Variants in PCDHGA5 observed in about 807,000 individuals in gnomAD.
The protein encoded by PCDHGA5 is protocadherin gamma subfamily A, 5.
A neutral mutation model predicts 56.7 loss-of-function variants in PCDHGA5; 36 were observed. That is an observed-to-expected ratio of 0.64 (90% CI 0.49 to 0.84). The LOEUF is 0.84. PCDHGA5 is among the 40% of genes least tolerant of loss of function. The probability of loss-of-function intolerance (pLI) is 0.00; values close to 1 mark genes in which losing one functional copy is unlikely to be tolerated. For synonymous variants in PCDHGA5, 563 were observed against 520.2 expected (o/e 1.08, Z -1.12); for missense variants, 1,305 against 1,201.5 (o/e 1.09, Z -1.27).
At chr5:141,450,754 C>G (rs192088793) in intron 1 of PCDHGA5, among the ~76,000 whole-genome samples, 1 of 150,996 alleles carries the variant, frequency 6.6e-6, no homozygotes, top group Non-Finnish European at 1.5e-5. Context: ...CCCAAAGTGC[C>G]GGGATTACAG....
chr5:141,378,862 C>T (rs899917720), intron 1 of PCDHGA5: 2 of 152,096 alleles, frequency 1.3e-5, no homozygotes, highest in African/African-American at 4.8e-5. Flanking sequence ...CAATGATGTT[C>T]GAATAGAAAA....
chr5:141,389,942 G>C lies in PCDHGA5; in HGVS notation c.2421+23191G>C, dbSNP rs775707080. On this transcript the variant is annotated intron_variant, in intron 1 of 3. Coordinates refer to ENST00000518069, the MANE Select transcript of PCDHGA5 (RefSeq NM_018918.3). ...ACCCCTCTGACCTCCAGGCTGAGCT[G>C]CAGTTTTACCTAGTGGTGGCCTTGG... is the stretch of plus-strand genomic sequence containing the variant. The C allele has an allele frequency of 2.5e-6, 4 of 1,613,952 alleles. No individual in the cohort carries two copies. The African/African-American group carries it at 5.3e-5, about 22-fold the overall frequency.
At chr5:141,427,923 C>T (rs2097089935) in intron 1 of PCDHGA5, 3 of 1,580,656 alleles carry the variant, frequency 1.9e-6, no homozygotes, top group African/African-American at 1.3e-5. Context: ...CATGAGCCGG[C>T]GCATGTTGGT....
chr5:141,429,960 A>C (rs981722031), intron 1 of PCDHGA5, among the ~76,000 whole-genome samples: 2 of 152,244 alleles, frequency 1.3e-5, no homozygotes, highest in African/African-American at 4.8e-5. Flanking sequence ...AGTCAATGCA[A>C]GTTGGAATGC....
intron 1 of PCDHGA5, chr5:141,423,601 C>A (rs372165060): frequency 1.9e-6 from 3 of 1,612,704 alleles, no homozygotes; most frequent in Non-Finnish European, 2.5e-6. Flanking sequence ...AAGCGAGCCA[C>A]TCTTGATAGC....
In PCDHGA5 at chr5:141,422,867, T is replaced by C. The variant is rs116031289; in HGVS notation, c.2421+56116T>C. On this transcript the variant is annotated intron_variant, in intron 1 of 3. Coordinates refer to ENST00000518069, the MANE Select transcript of PCDHGA5 (RefSeq NM_018918.3). Reference sequence around the variant, plus strand: ...GGGGACCCGCCCCTCAGCAGCAACGTGTCGCTGAGCCTGTTCGTGCTGGAC... The same window carrying C: ...GGGGACCCGCCCCTCAGCAGCAACGCGTCGCTGAGCCTGTTCGTGCTGGAC... 1.5e-3 allele frequency: 2,464 copies of C among 1,614,218 alleles called. 37 individuals are homozygous for C. In the African/African-American group the frequency reaches 0.029, roughly 19 times the overall value.
Position 141,432,911 on chromosome 5 carries a change from C to G in PCDHGA5, c.2422-61896C>G. 5 of 1,614,176 alleles carry G rather than the reference C, an allele frequency of 3.1e-6. No homozygotes were observed. Among genetic ancestry groups the G allele is most frequent in the Non-Finnish European group, 4.2e-6 (5 of 1,180,014 alleles). Reference sequence around the variant, plus strand: ...CTTGCTGCTGGCGCTCAGGCTGCGGCGCTGGCACAAGTCACGCCTGCTGCA... The same window carrying G: ...CTTGCTGCTGGCGCTCAGGCTGCGGGGCTGGCACAAGTCACGCCTGCTGCA... On this transcript the variant is annotated intron_variant, in intron 1 of 3. Transcript: ENST00000518069. This position sits in a 1 kb window ranked among gnomAD's most constrained non-coding sequence, Gnocchi z 6.0.
At chr5:141,405,603 T>A in intron 1 of PCDHGA5, 1 of 571,444 alleles carries the variant, frequency 1.7e-6, no homozygotes, top group Non-Finnish European at 3.1e-6. Flanking sequence ...CCAAGTAGAA[T>A]AACTGGGACT....
intron 1 of PCDHGA5, chr5:141,375,433 C>T: frequency 6.2e-7 from 1 of 1,614,016 alleles, no homozygotes; most frequent in African/African-American, 1.3e-5. Context: ...ACAACCCGCC[C>T]ACCTTCCCCC....
At chr5:141,410,403 A>G (rs752705682) in intron 1 of PCDHGA5, 2 of 1,614,028 alleles carry the variant, frequency 1.2e-6, no homozygotes, top group Admixed American at 1.7e-5. Context: ...CTCTGTGTCA[A>G]GTCTGGACCT....
intron 1 of PCDHGA5, chr5:141,403,227 G>T: frequency 1.9e-6 from 3 of 1,608,966 alleles, no homozygotes; most frequent in Non-Finnish European, 2.6e-6. Context: ...AGGATAGACC[G>T]GGAGGAGCTC....
intron 1 of PCDHGA5, chr5:141,384,099 T>A (rs1456303515): frequency 6.3e-7 from 1 of 1,597,622 alleles, no homozygotes; most frequent in Non-Finnish European, 8.5e-7. Flanking sequence ...CAATAGATAA[T>A]TATTATAGAT....
intron 1 of PCDHGA5, chr5:141,383,195 G>T: frequency 1.2e-6 from 2 of 1,614,044 alleles, no homozygotes; most frequent in Non-Finnish European, 1.7e-6. Flanking sequence ...TGCGCTCAGA[G>T]TGCGCGGTGT....
At chr5:141,430,980 T>C in intron 1 of PCDHGA5, 1 of 1,613,618 alleles carries the variant, frequency 6.2e-7, no homozygotes, top group African/African-American at 1.3e-5. Context: ...AGGACGCAGC[T>C]TTTCGCCCTG....
In PCDHGA5 at chr5:141,431,777, G is replaced by C. The variant is rs151011884; in HGVS notation, c.2422-63030G>C. 1.2e-6 allele frequency: 2 copies of C among 1,614,188 alleles called. No individual in the cohort carries two copies. The highest frequency in any genetic ancestry group is 4.5e-5 in the East Asian group (2 of 44,870). ...CAAAGTCCTGATCACTGTTCTGGAC[G>C]TGAACGACAATGCCCCAGAAGTGGT... On this transcript the variant is annotated intron_variant, in intron 1 of 3. Coordinates refer to ENST00000518069, the MANE Select transcript of PCDHGA5 (RefSeq NM_018918.3). The surrounding 1 kb of genome is among the most constrained non-coding windows in gnomAD (Gnocchi z 4.8).
chr5:141,401,096 C>A (rs1193628525), intron 1 of PCDHGA5, among the ~76,000 whole-genome samples: 1 of 152,160 alleles, frequency 6.6e-6, no homozygotes, highest in Non-Finnish European at 1.5e-5. Context: ...GTAATCCCAG[C>A]ACTTTGGGAG....
rs1310080502 is a variant in PCDHGA5 at position 141,366,181 on chromosome 5, T to C, written c.1851T>C (p.Phe617=). ...RLLKASEPGL[F]AVGLHTGEVR... is the part of the protein sequence containing the mutation. ...TTAAGGCCAGCGAGCCAGGACTCTTTGCGGTTGGGCTGCACACGGGCGAGG... is the reference window on the plus strand; with the variant it reads ...TTAAGGCCAGCGAGCCAGGACTCTTCGCGGTTGGGCTGCACACGGGCGAGG... The change falls in exon 1 of 4, where the codon TTT becomes TTC. Residue 617 remains phenylalanine (F), a synonymous_variant. Coordinates refer to ENST00000518069, the MANE Select transcript of PCDHGA5 (RefSeq NM_018918.3). 4 of 1,613,836 alleles carry C rather than the reference T, an allele frequency of 2.5e-6. No individual in the cohort carries two copies. Among genetic ancestry groups the C allele is most frequent in the African/African-American group, 1.3e-5 (1 of 74,948 alleles).
intron 1 of PCDHGA5, chr5:141,415,388 G>T: frequency 6.2e-7 from 1 of 1,614,236 alleles, no homozygotes; most frequent in Non-Finnish European, 8.5e-7. Context: ...GGCTTGACAG[G>T]TGTGTCCGGC....
rs761704779 is a variant in PCDHGA5 at position 141,486,764 on chromosome 5, C to T, written c.2422-8043C>T. ...CTTTGACTATGAGCAAACCCAGACA[C>T]TGCAGTTTGAGGTGCAGGCCCGGGA... On this transcript the variant is annotated intron_variant, in intron 1 of 3. Transcript: ENST00000518069. This position sits in a 1 kb window ranked among gnomAD's most constrained non-coding sequence, Gnocchi z 5.0. 6.2e-7 allele frequency: 1 copy of T among 1,614,264 alleles called. No homozygotes were observed. The highest frequency in any genetic ancestry group is 2.2e-5 in the East Asian group (1 of 44,880).
Sources: allele counts gnomAD v4.1 joint callset (sites outside exome capture counted in the v4.1 genomes callset), GRCh38; gene constraint gnomAD v4.1.1; non-coding constraint Gnocchi (gnomAD v3.1); transcripts MANE v1.5; gene names NCBI Gene and HGNC (gene_info 2026-07-23, HGNC 2026-07-21).